The following ADAMTS6 variants were observed in gnomAD, a reference collection of about 807,000 sequenced individuals.
ADAMTS6 encodes the protein A disintegrin and metalloproteinase with thrombospondin motifs 6.
ADAMTS6 carries 23 observed loss-of-function variants against 144.3 expected under a neutral mutation model. That is an observed-to-expected ratio of 0.16 (90% CI 0.11 to 0.23). The LOEUF is 0.23. Ranked by LOEUF, ADAMTS6 falls within the 10% of genes least tolerant of loss-of-function variation. ADAMTS6 has a pLI of 1.00. For synonymous variants in ADAMTS6, 444 were observed against 457.5 expected, an observed-to-expected ratio of 0.97 and a Z score of 0.38; for missense variants, 999 against 1,379.6, an observed-to-expected ratio of 0.72 and a Z score of 4.37.
intron 20 of ADAMTS6, chr5:65,210,470 A>G (rs1756441875): frequency 9.5e-6 from 2 of 211,382 alleles, no homozygotes. Context: ...AAAAAAAAAA[A>G]GATCTATGAA....
At chr5:65,367,167 T>A (rs966881861) in intron 7 of ADAMTS6, among the ~76,000 whole-genome samples, 4 of 152,192 alleles carry the variant, frequency 2.6e-5, no homozygotes, top group Non-Finnish European at 5.9e-5. Flanking sequence ...AGCTCACTAT[T>A]CCTCTTTAGT....
At chr5:65,201,257 C>A (rs1392766589) in intron 20 of ADAMTS6, among the ~76,000 whole-genome samples, 1 of 152,168 alleles carries the variant, frequency 6.6e-6, no homozygotes, top group Non-Finnish European at 1.5e-5. Context: ...GACCATCGCT[C>A]TTCTTCATTT....
At chr5:65,223,260 T>C (rs1457057490) in intron 18 of ADAMTS6, among the ~76,000 whole-genome samples, 1 of 152,210 alleles carries the variant, frequency 6.6e-6, no homozygotes, top group Non-Finnish European at 1.5e-5. Context: ...TGATTCAACA[T>C]ACATAAACAT....
chr5:65,318,188 C>T (rs1000531863), intron 9 of ADAMTS6, among the ~76,000 whole-genome samples: 3 of 151,978 alleles, frequency 2.0e-5, no homozygotes, highest in Non-Finnish European at 4.4e-5. Flanking sequence ...GATATCATCT[C>T]ACCCCAGTTA....
chr5:65,341,397 G>A (rs960302310), intron 7 of ADAMTS6, among the ~76,000 whole-genome samples: 34 of 151,640 alleles, frequency 2.2e-4, no homozygotes, highest in Admixed American at 3.3e-4. Flanking sequence ...ATGAAAGATC[G>A]ATAAAACAAA....
intron 22 of ADAMTS6, among the ~76,000 whole-genome samples, chr5:65,186,961 AG>A (rs1189574318): frequency 6.6e-6 from 1 of 152,206 alleles, no homozygotes; most frequent in Non-Finnish European, 1.5e-5. Context: ...TAAGATTCAC[AG>A]GGGAATAGTA....
At chr5:65,394,675 C>A (rs549626512) in intron 7 of ADAMTS6, among the ~76,000 whole-genome samples, 19 of 152,248 alleles carry the variant, frequency 1.2e-4, no homozygotes, top group Non-Finnish European at 2.5e-4. Context: ...TCTTCAAATT[C>A]TCTTCAATGA....
At chr5:65,360,778 A>C (rs954926307) in intron 7 of ADAMTS6, among the ~76,000 whole-genome samples, 2 of 152,226 alleles carry the variant, frequency 1.3e-5, no homozygotes, top group African/African-American at 4.8e-5. Flanking sequence ...TAAGAAAAAG[A>C]GTGAATGTTA....
intron 8 of ADAMTS6, among the ~76,000 whole-genome samples, chr5:65,332,399 C>T (rs1346353700): frequency 6.6e-6 from 1 of 150,612 alleles, no homozygotes; most frequent in East Asian, 1.9e-4. Flanking sequence ...TATAGATACA[C>T]TAGAAAAATA....
At chr5:65,283,173 C>T (rs1291620998) in intron 11 of ADAMTS6, among the ~76,000 whole-genome samples, 1 of 152,078 alleles carries the variant, frequency 6.6e-6, no homozygotes, top group African/African-American at 2.4e-5. Context: ...AGAAAGGTTA[C>T]TTATCATTTG....
intron 20 of ADAMTS6, among the ~76,000 whole-genome samples, chr5:65,203,459 T>C (rs532048572): frequency 6.6e-5 from 10 of 152,348 alleles, no homozygotes; most frequent in African/African-American, 2.4e-4. Flanking sequence ...AGCTTGTTTT[T>C]GGTATTTTAT....
chr5:65,481,597 A>G lies in ADAMTS6; in HGVS notation c.-534T>C, dbSNP rs1023327196. The G allele has an allele frequency of 1.3e-5, 2 of 152,026 alleles. No individual in the cohort carries two copies. The highest frequency in any genetic ancestry group is 6.6e-5 in the Admixed American group (1 of 15,258). The allele number at this position is 152,026 out of a possible 1,614,324, so 9.4% of individuals were successfully genotyped here. A position where few individuals can be genotyped will look rare whatever the true frequency, so the allele number is the denominator to read the frequency against. The stretch of plus-strand genomic sequence containing the variant: ...GAGATGCCTTCAATACATCTAGGCT[A>G]TCACTCTGAGATGCTGCCTTTGCAA... On this transcript the variant is annotated 5_prime_UTR_variant, in exon 1 of 25. Transcript: ENST00000381055.
intron 20 of ADAMTS6, among the ~76,000 whole-genome samples, chr5:65,203,556 T>C (rs1218470686): frequency 6.6e-6 from 1 of 152,174 alleles, no homozygotes; most frequent in Non-Finnish European, 1.5e-5. Context: ...ATAGACAGGC[T>C]TTTCTTTTAA....
At chr5:65,459,086 A>G (rs138317819) in intron 4 of ADAMTS6, among the ~76,000 whole-genome samples, 4,610 of 149,280 alleles carry the variant, frequency 0.031, 239 homozygotes, top group African/African-American at 0.11. Context: ...TATATTGCCC[A>G]GGCAGGTCTC....
At chr5:65,351,833 G>GA (rs1283817883) in intron 7 of ADAMTS6, among the ~76,000 whole-genome samples, 12 of 151,794 alleles carry the variant, frequency 7.9e-5, no homozygotes, top group Non-Finnish European at 1.2e-4. Context: ...GAAGAAGAAG[G>GA]AAAAAACATC....
chr5:65,368,153 C>A (rs1221562851), intron 7 of ADAMTS6, among the ~76,000 whole-genome samples: 1 of 152,046 alleles, frequency 6.6e-6, no homozygotes, highest in Non-Finnish European at 1.5e-5. Flanking sequence ...CTGTTTTGCC[C>A]TCTTATTCCA....
chr5:65,408,989 C>T (rs560594971), intron 7 of ADAMTS6, among the ~76,000 whole-genome samples: 2 of 152,270 alleles, frequency 1.3e-5, no homozygotes, highest in Admixed American at 1.3e-4. Context: ...CTCTGGGAGA[C>T]ATTTAAAGCA....
chr5:65,238,925 A>G (rs1758916977), intron 15 of ADAMTS6, among the ~76,000 whole-genome samples: 1 of 152,242 alleles, frequency 6.6e-6, no homozygotes, highest in Non-Finnish European at 1.5e-5. Flanking sequence ...TTCTGCGGAC[A>G]TTAACAACTG....
intron 20 of ADAMTS6, chr5:65,198,848 C>T (rs1019063496): frequency 1.3e-5 from 2 of 153,432 alleles, no homozygotes; most frequent in Admixed American, 1.3e-4. Flanking sequence ...AATTTTTTAA[C>T]TATTAAACTT....
Sources: gnomAD v4.1 joint callset for allele counts (sites outside exome capture counted in the v4.1 genomes callset) on GRCh38, gnomAD v4.1.1 for gene constraint, MANE v1.5 for transcripts, NCBI Gene and HGNC (gene_info 2026-07-23, HGNC 2026-07-21) for gene names.